SRRM4: variants seen among roughly 807,000 people sequenced by gnomAD.
The protein encoded by SRRM4 is serine/arginine repetitive matrix 4, also known as serine/arginine repetitive matrix protein 4.
SRRM4 carries 33 observed loss-of-function variants against 68.9 expected under a neutral mutation model. That is an observed-to-expected ratio of 0.48 (90% CI 0.36 to 0.64). SRRM4 has a LOEUF of 0.64. Among genes scored for constraint, SRRM4 ranks in the 30% least tolerant of loss-of-function variants. The pLI is 0.00. For missense variants in SRRM4, 817 were observed against 827.1 expected, an observed-to-expected ratio of 0.99 and a Z score of 0.15; for synonymous variants, 318 against 318.8, an observed-to-expected ratio of 1.00 and a Z score of 0.03.
intron 1 of SRRM4, among the ~76,000 whole-genome samples, chr12:119,057,750 A>T (rs1271224610): frequency 6.6e-6 from 1 of 152,222 alleles, no homozygotes; most frequent in Non-Finnish European, 1.5e-5. Flanking sequence ...TTCTGTTTCT[A>T]GAGCTTTGAG....
chr12:119,036,015 ATTTTCC>A (rs148849454), intron 1 of SRRM4, among the ~76,000 whole-genome samples: 2,595 of 152,156 alleles, frequency 0.017, 36 homozygotes, highest in Non-Finnish European at 0.025. Context: ...TCTTATTGTC[ATTTTCC>A]TTTTCCTTTT....
At chr12:119,130,981 C>G in intron 8 of SRRM4, 147 bp downstream of exon 8, 1 of 906,444 alleles carries the variant, frequency 1.1e-6, no homozygotes, top group South Asian at 2.5e-5. Context: ...AATGATGAAC[C>G]AAATGATCAT....
intron 3 of SRRM4, among the ~76,000 whole-genome samples, chr12:119,115,750 C>T (rs965437692): frequency 2.0e-5 from 3 of 152,172 alleles, no homozygotes; most frequent in South Asian, 2.1e-4. Flanking sequence ...CTAATTGACT[C>T]GTTCATCCAG....
intron 1 of SRRM4, among the ~76,000 whole-genome samples, chr12:119,044,387 A>AG (rs1953691425): frequency 6.6e-6 from 1 of 152,180 alleles, no homozygotes; most frequent in South Asian, 2.1e-4. Flanking sequence ...AGACAGTAGC[A>AG]TTTCAGAGCT....
At chr12:118,991,087 G>T (rs569091271) in intron 1 of SRRM4, among the ~76,000 whole-genome samples, 121 of 152,264 alleles carry the variant, frequency 7.9e-4, no homozygotes, top group Non-Finnish European at 1.4e-3. Flanking sequence ...TTACAGGTGT[G>T]AGCCACCATG....
intron 1 of SRRM4, among the ~76,000 whole-genome samples, chr12:119,059,078 T>C (rs967625647): frequency 1.4e-4 from 21 of 152,164 alleles, no homozygotes; most frequent in Non-Finnish European, 1.8e-4. Flanking sequence ...CTGTGAACAA[T>C]AGAGCAGCAA....
chr12:119,053,983 C>T (rs1374837291), intron 1 of SRRM4, among the ~76,000 whole-genome samples: 1 of 152,106 alleles, frequency 6.6e-6, no homozygotes, highest in African/African-American at 2.4e-5. Context: ...CTTATTCATT[C>T]TTTCTATTTT....
intron 8 of SRRM4, among the ~76,000 whole-genome samples, chr12:119,135,319 G>A (rs1016740002): frequency 2.0e-5 from 3 of 152,146 alleles, no homozygotes; most frequent in Admixed American, 6.5e-5. Context: ...GTCTGGAGCT[G>A]GGCCAAAGAT....
intron 1 of SRRM4, among the ~76,000 whole-genome samples, chr12:118,995,513 C>T (rs932626935): frequency 1.3e-5 from 2 of 152,188 alleles, no homozygotes; most frequent in Non-Finnish European, 1.5e-5. Flanking sequence ...GAATGTGGCT[C>T]AGGATATCTG....
chr12:119,089,078 T>G (rs1437621648), intron 1 of SRRM4, among the ~76,000 whole-genome samples: 3 of 152,158 alleles, frequency 2.0e-5, no homozygotes, highest in Non-Finnish European at 4.4e-5. Context: ...TGTCTCCTGG[T>G]TGTTCAGTCC....
chr12:119,148,834 T>A lies in SRRM4; in HGVS notation c.1077-2183T>A, dbSNP rs55768733. Reference sequence around the variant, plus strand: ...TAAATGATGGTTGAGTCCATGACTGTTTATGTCATGCCACTTATGAGCAGA... The same window carrying A: ...TAAATGATGGTTGAGTCCATGACTGATTATGTCATGCCACTTATGAGCAGA... On this transcript the variant is annotated intron_variant, in intron 9 of 12. Transcript: ENST00000267260. 3.9e-3 allele frequency among the ~76,000 whole-genome samples: 591 copies of A among 152,332 alleles called. 2 individuals carry two copies. The highest frequency in any genetic ancestry group is 6.2e-3 in the Non-Finnish European group (420 of 68,030).
intron 4 of SRRM4, among the ~76,000 whole-genome samples, chr12:119,118,712 G>C (rs1030396947): frequency 6.6e-6 from 1 of 152,194 alleles, no homozygotes; most frequent in Non-Finnish European, 1.5e-5. Flanking sequence ...CCCAATTTGG[G>C]GGTTCGCTGG....
chr12:119,113,767 G>T (rs1399332868), intron 2 of SRRM4, among the ~76,000 whole-genome samples: 1 of 152,164 alleles, frequency 6.6e-6, no homozygotes, highest in Non-Finnish European at 1.5e-5. Context: ...TATTCTTGAA[G>T]AGCGGAGGTT....
At position 119,070,455 on chromosome 12, in the gene SRRM4, G is replaced by A. The variant is rs143624010; in HGVS notation, c.132-31781G>A. ...CAATTTCCAAACTATATTCTGTGGA[G>A]CTATTTCAGCTTTTGCCTTGAGGAG... On this transcript the variant is annotated intron_variant, in intron 1 of 12. Transcript: ENST00000267260. Among the ~76,000 whole-genome samples, 410 of 152,216 alleles carry A rather than the reference G, an allele frequency of 2.7e-3. 4 individuals carry two copies. Among genetic ancestry groups the A allele is most frequent in the Non-Finnish European group, 6.2e-4 (42 of 68,022 alleles).
chr12:119,100,325 T>TAAAAAAAAA (rs1432398295), intron 1 of SRRM4, among the ~76,000 whole-genome samples: 2 of 24,330 alleles, frequency 8.2e-5, no homozygotes, highest in Admixed American at 4.5e-4. Context: ...ACCCTGTCTC[T>TAAAAAAAAA]ACAAAAAAAA....
At chr12:119,053,049 C>T (rs576507389) in intron 1 of SRRM4, among the ~76,000 whole-genome samples, 1 of 152,272 alleles carries the variant, frequency 6.6e-6, no homozygotes, top group South Asian at 2.1e-4. Context: ...TTCACTTTCT[C>T]TCCTTCCAAT....
chr12:119,157,258 G>A lies in SRRM4; in HGVS notation c.*460G>A, dbSNP rs1565921743. On this transcript the variant is annotated 3_prime_UTR_variant, in exon 13 of 13. Coordinates refer to ENST00000267260, the MANE Select transcript of SRRM4 (RefSeq NM_194286.4). The surrounding 1 kb of genome is among the most constrained non-coding windows in gnomAD (Gnocchi z 4.1). ...CGTGGATGGACCCCCATGTCTGAGAGGGGTGAAAGAGGAGACCAATGGCAG... is the reference window on the plus strand; with the variant it reads ...CGTGGATGGACCCCCATGTCTGAGAAGGGTGAAAGAGGAGACCAATGGCAG... 1.8e-5 allele frequency: 3 copies of A among 164,120 alleles called. No homozygotes were observed. The highest frequency in any genetic ancestry group is 5.8e-5 in the Admixed American group (1 of 17,386). 10.2% of individuals were successfully genotyped at this position (164,120 alleles called of 1,614,324 possible). A position where few individuals can be genotyped will look rare whatever the true frequency, so the allele number is the denominator to read the frequency against.
chr12:119,141,011 G>A (rs1464732474), intron 8 of SRRM4, among the ~76,000 whole-genome samples: 2 of 152,128 alleles, frequency 1.3e-5, no homozygotes, highest in African/African-American at 4.8e-5. Flanking sequence ...GTGTGATCTT[G>A]GTTCACTGTA....
chr12:119,020,886 A>G (rs1348651539), intron 1 of SRRM4, among the ~76,000 whole-genome samples: 2 of 152,236 alleles, frequency 1.3e-5, no homozygotes, highest in African/African-American at 4.8e-5. Context: ...TCTTCCAACG[A>G]GAGAATAGCC....
Sources: allele counts gnomAD v4.1 joint callset (sites outside exome capture counted in the v4.1 genomes callset), GRCh38; gene constraint gnomAD v4.1.1; non-coding constraint Gnocchi (gnomAD v3.1); transcripts MANE v1.5; gene names NCBI Gene and HGNC (gene_info 2026-07-23, HGNC 2026-07-21).